UNC79: variants seen among roughly 807,000 people sequenced by gnomAD.
UNC79 encodes protein unc-79 homolog.
UNC79 carries 37 observed loss-of-function variants against 283.1 expected under a neutral mutation model. The ratio of observed to expected loss-of-function variants is 0.13; its 90% CI spans 0.10 to 0.17. UNC79 has a LOEUF of 0.17. Among genes scored for constraint, UNC79 ranks in the 10% least tolerant of loss-of-function variants. The pLI is 1.00. For synonymous variants in UNC79, 1,107 were observed against 1,200.2 expected, an observed-to-expected ratio of 0.92 and a Z score of 1.61; for missense variants, 2,272 against 3,211.1, an observed-to-expected ratio of 0.71 and a Z score of 7.07.
intron 9 of UNC79, 79 bp downstream of exon 9, chr14:93,528,725 T>G: frequency 2.2e-6 from 3 of 1,350,164 alleles, no homozygotes; most frequent in East Asian, 2.4e-5. Flanking sequence ...CTTAAATTAG[T>G]TACATTGCTA....
chr14:93,637,482 T>A, intron 32 of UNC79, 183 bp downstream of exon 35: 2 of 1,073,772 alleles, frequency 1.9e-6, no homozygotes, highest in Non-Finnish European at 2.6e-6. Flanking sequence ...GGCCAACAGT[T>A]CTTCCTTATA....
chr14:93,642,527 A>C (rs2069151817), intron 33 of UNC79, among the ~76,000 whole-genome samples: 1 of 151,794 alleles, frequency 6.6e-6, no homozygotes, highest in African/African-American at 2.4e-5. Context: ...CCTGACAGCC[A>C]TGACTGAAGA....
intron 14 of UNC79, among the ~76,000 whole-genome samples, chr14:93,570,177 G>A: frequency 6.6e-6 from 1 of 152,190 alleles, no homozygotes; most frequent in African/African-American, 2.4e-5. Context: ...TTGAACTCCT[G>A]GCCTCAGGCG....
intron 26 of UNC79, among the ~76,000 whole-genome samples, chr14:93,607,290 G>A (rs1047832679): frequency 2.6e-5 from 4 of 152,054 alleles, no homozygotes; most frequent in Non-Finnish European, 5.9e-5. Flanking sequence ...GTTCCTCATC[G>A]CCTGGAACGC....
intron 1 of UNC79, among the ~76,000 whole-genome samples, chr14:93,337,081 G>A (rs569347183): frequency 6.6e-6 from 1 of 152,288 alleles, no homozygotes; most frequent in South Asian, 2.1e-4. Context: ...TGAAGTCCAC[G>A]ACCTGGAGTG....
At chr14:93,577,702 T>C in intron 17 of UNC79, 140 bp from the exon 18 acceptor site, 1 of 761,822 alleles carries the variant, frequency 1.3e-6, no homozygotes, top group South Asian at 1.8e-5. Flanking sequence ...TCCTTAGTAT[T>C]TGGAGGTACT....
intron 1 of UNC79, among the ~76,000 whole-genome samples, chr14:93,363,401 G>GT (rs2054264276): frequency 6.6e-6 from 1 of 152,192 alleles, no homozygotes; most frequent in Non-Finnish European, 1.5e-5. Context: ...TGGGTTTAAA[G>GT]TATGTGCCAT....
chr14:93,605,318 C>A (rs1418851498), intron 26 of UNC79, among the ~76,000 whole-genome samples: 1 of 152,042 alleles, frequency 6.6e-6, no homozygotes, highest in Non-Finnish European at 1.5e-5. Context: ...ATAGGAAAAC[C>A]ATACATTTCA....
At chr14:93,704,526 GA>G in intron 47 of UNC79, 98 bp from the exon 51 acceptor site, 1 of 1,388,318 alleles carries the variant, frequency 7.2e-7, no homozygotes, top group South Asian at 1.2e-5. Flanking sequence ...TGCGCGACGT[GA>G]AAGGGATTCA....
Position 93,554,151 on chromosome 14 carries a change from C to T in UNC79, c.1755+11455C>T, listed in dbSNP as rs1335698884. ...GATCACGAGGTCAGGAATTTGAGACCAGCCTGGCCAACACAGTGTAACCCC... is the reference window on the plus strand; with the variant it reads ...GATCACGAGGTCAGGAATTTGAGACTAGCCTGGCCAACACAGTGTAACCCC... On this transcript the variant is annotated intron_variant, in intron 14 of 48. Transcript: ENST00000555664. 2.0e-5 allele frequency among the ~76,000 whole-genome samples: 3 copies of T among 152,050 alleles called. No individual in the cohort carries two copies. In the East Asian group the frequency reaches 5.8e-4, roughly 29 times the overall value.
chr14:93,481,180 T>C (rs1479887943), intron 4 of UNC79, among the ~76,000 whole-genome samples: 1 of 152,214 alleles, frequency 6.6e-6, no homozygotes, highest in African/African-American at 2.4e-5. Flanking sequence ...TTGTGAAATT[T>C]TCCTTTGACA....
chr14:93,366,304 C>T (rs1462297535), intron 1 of UNC79, among the ~76,000 whole-genome samples: 1 of 152,074 alleles, frequency 6.6e-6, no homozygotes, highest in Non-Finnish European at 1.5e-5. Flanking sequence ...TAAATGTTAT[C>T]ACAAATGAGT....
intron 1 of UNC79, among the ~76,000 whole-genome samples, chr14:93,463,165 G>T (rs1343890685): frequency 6.6e-6 from 1 of 152,108 alleles, no homozygotes; most frequent in Non-Finnish European, 1.5e-5. Flanking sequence ...GGTCTGGGAC[G>T]CCAAGGGGAG....
At chr14:93,337,376 C>G (rs2053601293) in intron 1 of UNC79, among the ~76,000 whole-genome samples, 1 of 152,238 alleles carries the variant, frequency 6.6e-6, no homozygotes, top group Non-Finnish European at 1.5e-5. Flanking sequence ...GGGACAAGAA[C>G]TCGGGAACCT....
chr14:93,420,618 A>G (rs2055575153), intron 1 of UNC79, among the ~76,000 whole-genome samples: 1 of 151,836 alleles, frequency 6.6e-6, no homozygotes, highest in African/African-American at 2.4e-5. Flanking sequence ...ACTAGTAGAT[A>G]TTTACAGAAC....
In UNC79 at chr14:93,622,010, G is replaced by T. The variant is rs759163103; in HGVS notation, c.4777G>T (p.Val1593Phe). The T allele has an allele frequency of 1.9e-6, 3 of 1,614,058 alleles. No individual in the cohort carries two copies. The Admixed American group carries it at 5.0e-5, about 27-fold the overall frequency. ...CTGTATGGAGACTTTCGAGGTGAAAGTTGACTCGCCGGTAAAGCCTGCTCC... is the reference window on the plus strand; with the variant it reads ...CTGTATGGAGACTTTCGAGGTGAAATTTGACTCGCCGGTAAAGCCTGCTCC... Residue 1593 changes from valine (V) to phenylalanine (F), a missense_variant, in exon 30 of 49, where the codon GTT becomes TTT. Val to Phe is a conservative substitution (Grantham distance 50). Coordinates refer to ENST00000555664, the Ensembl canonical transcript of UNC79.
At chr14:93,355,676 A>G (rs1291533793) in intron 1 of UNC79, among the ~76,000 whole-genome samples, 2 of 152,112 alleles carry the variant, frequency 1.3e-5, no homozygotes, top group Non-Finnish European at 2.9e-5. Context: ...TCTTACATTG[A>G]CCACCTCTTT....
At chr14:93,607,461 T>G (rs2065965725) in intron 26 of UNC79, among the ~76,000 whole-genome samples, 1 of 152,238 alleles carries the variant, frequency 6.6e-6, no homozygotes, top group Non-Finnish European at 1.5e-5. Context: ...GAACTGATGC[T>G]GGCATCCAAG....
chr14:93,435,289 C>A (rs1181905267), intron 1 of UNC79, among the ~76,000 whole-genome samples: 1 of 152,202 alleles, frequency 6.6e-6, no homozygotes, highest in African/African-American at 2.4e-5. Context: ...TCTCGTCTTA[C>A]ATGACTTCTC....
Sources: gnomAD v4.1 joint callset for allele counts (sites outside exome capture counted in the v4.1 genomes callset) on GRCh38, gnomAD v4.1.1 for gene constraint, MANE v1.5 for transcripts, NCBI Gene and HGNC (gene_info 2026-07-23, HGNC 2026-07-21) for gene names.